The following ADAMTSL3 variants were observed in gnomAD, a reference collection of about 807,000 sequenced individuals.
ADAMTSL3 encodes the protein ADAMTS like 3.
Under a neutral mutation model 201.7 loss-of-function variants are expected in ADAMTSL3, and 128 were observed. The ratio of observed to expected loss-of-function variants is 0.63; its 90% CI spans 0.55 to 0.73. The LOEUF (loss-of-function observed/expected upper bound fraction) is 0.73. ADAMTSL3 is among the 30% of genes least tolerant of loss of function. The pLI is 0.00. For synonymous variants in ADAMTSL3, 738 were observed against 748.4 expected, an observed-to-expected ratio of 0.99 and a Z score of 0.23; for missense variants, 1,990 against 2,119.6, an observed-to-expected ratio of 0.94 and a Z score of 1.20.
At chr15:83,700,950 A>G (rs886200209) in intron 2 of ADAMTSL3, among the ~76,000 whole-genome samples, 1 of 152,140 alleles carries the variant, frequency 6.6e-6, no homozygotes, top group Admixed American at 6.5e-5. Flanking sequence ...TGACAGAATG[A>G]TGTTGATTTC....
At chr15:83,758,631 T>C (rs1197415867) in intron 3 of ADAMTSL3, among the ~76,000 whole-genome samples, 1 of 152,228 alleles carries the variant, frequency 6.6e-6, no homozygotes, top group Non-Finnish European at 1.5e-5. Flanking sequence ...TAAAGTGGTA[T>C]TTCATTTGCA....
chr15:83,682,221 G>A (rs1035653272), intron 2 of ADAMTSL3, among the ~76,000 whole-genome samples: 3 of 152,080 alleles, frequency 2.0e-5, no homozygotes, highest in African/African-American at 7.2e-5. Context: ...TAGAGACTCA[G>A]GGATGGGATA....
rs2066590241 is a variant in ADAMTSL3, at chr15:83,942,910, G to A, written c.2318G>A (p.Arg773Lys). ...WHIEEWQQCS[R>K]TCGGGTQNRR... Reference sequence around the variant, plus strand: ...CCCCTCTTGTCTTCTTAGTGTTCCAGGACTTGTGGCGGGGGAACTCAGAAC... The same window carrying A: ...CCCCTCTTGTCTTCTTAGTGTTCCAAGACTTGTGGCGGGGGAACTCAGAAC... Residue 773 changes from arginine to lysine, a missense_variant, in exon 19 of 30, where the codon AGG (arginine) becomes AAG (lysine). Arg to Lys is a conservative substitution (Grantham distance 26). Transcript: ENST00000286744. 3 of 1,612,122 alleles carry A rather than the reference G, an allele frequency of 1.9e-6. No homozygotes were observed. The highest frequency in any genetic ancestry group is 8.5e-7 in the Non-Finnish European group (1 of 1,179,118).
intron 20 of ADAMTSL3, 39 bp from the exon 21 acceptor site, chr15:83,982,234 A>G: frequency 6.7e-7 from 1 of 1,492,480 alleles, no homozygotes; most frequent in Non-Finnish European, 9.1e-7. Flanking sequence ...TGAGATGTTT[A>G]TTCGTATTTT....
chr15:83,979,706 C>T (rs1328609752), intron 20 of ADAMTSL3, among the ~76,000 whole-genome samples: 1 of 152,150 alleles, frequency 6.6e-6, no homozygotes, highest in African/African-American at 2.4e-5. Flanking sequence ...ATGCTAAAAC[C>T]AGAAAGAAAT....
Position 83,773,620 on chromosome 15 carries a change from C to T in ADAMTSL3, c.287C>T (p.Ser96Leu). 1 of 1,611,686 alleles carries T rather than the reference C, an allele frequency of 6.2e-7. No homozygotes were observed. The highest frequency in any genetic ancestry group is 8.5e-7 in the Non-Finnish European group (1 of 1,179,432). ...DCSRTCGGGA[S>L]YSLRRCLTGR... is the part of the protein sequence containing the mutation. ...TCCCGGACCTGTGGGGGAGGAGCAT[C>T]ATATTCTCTGCGGAGATGTTTGACT... The change falls in exon 4 of 30, where the codon TCA (serine) becomes TTA (leucine). Residue 96 changes from serine (S) to leucine (L), a missense_variant. Ser to Leu is a moderately radical substitution (Grantham distance 145). Coordinates refer to ENST00000286744, the MANE Select transcript of ADAMTSL3 (RefSeq NM_207517.3).
intron 19 of ADAMTSL3, among the ~76,000 whole-genome samples, chr15:83,955,740 C>T (rs1232612293): frequency 6.6e-6 from 1 of 152,072 alleles, no homozygotes; most frequent in Admixed American, 6.5e-5. Flanking sequence ...GGGGGCTTCA[C>T]GACTCTGCCC....
intron 26 of ADAMTSL3, among the ~76,000 whole-genome samples, chr15:84,023,903 A>G (rs1449529864): frequency 6.6e-6 from 1 of 152,250 alleles, no homozygotes; most frequent in Non-Finnish European, 1.5e-5. Context: ...AAAATAAAAT[A>G]CATTTGATTA....
intron 2 of ADAMTSL3, among the ~76,000 whole-genome samples, chr15:83,700,432 T>G (rs746929666): frequency 6.6e-6 from 1 of 152,240 alleles, no homozygotes; most frequent in Non-Finnish European, 1.5e-5. Context: ...ATAAGGAGTT[T>G]GACCTAGATG....
At chr15:83,980,395 T>A (rs1398360041) in intron 20 of ADAMTSL3, among the ~76,000 whole-genome samples, 1 of 152,142 alleles carries the variant, frequency 6.6e-6, no homozygotes, top group Non-Finnish European at 1.5e-5. Context: ...ATCTATATTA[T>A]CTATAGTAAT....
intron 15 of ADAMTSL3, among the ~76,000 whole-genome samples, chr15:83,911,479 C>T (rs1170582782): frequency 3.9e-5 from 6 of 152,292 alleles, no homozygotes; most frequent in African/African-American, 1.2e-4. Flanking sequence ...TTTAACCAGT[C>T]TCCTTCCCAA....
chr15:84,026,142 G>A (rs1030055414), intron 27 of ADAMTSL3, among the ~76,000 whole-genome samples: 3 of 152,152 alleles, frequency 2.0e-5, no homozygotes, highest in African/African-American at 7.2e-5. Flanking sequence ...ATGCAAAACT[G>A]TCATGAGTAA....
intron 4 of ADAMTSL3, among the ~76,000 whole-genome samples, chr15:83,781,986 T>C (rs2063177140): frequency 6.6e-6 from 1 of 152,150 alleles, no homozygotes; most frequent in South Asian, 2.1e-4. Context: ...GTAAATTAGT[T>C]CAACCTTTGT....
chr15:83,958,804 G>T lies in ADAMTSL3; in HGVS notation c.2491-11680G>T, dbSNP rs147118225. Among the ~76,000 whole-genome samples the T allele has an allele frequency of 8.2e-3, 1,251 of 152,156 alleles. 18 individuals carry two copies. Among genetic ancestry groups the T allele is most frequent in the African/African-American group, 0.028 (1,168 of 41,492 alleles). ...AATAACAGGAGAATGTAAAATGATA[G>T]CTGACGGTTTAGAAAAGAATTTTTA... On this transcript the variant is annotated intron_variant, in intron 19 of 29. Transcript: ENST00000286744.
chr15:83,730,432 G>A (rs1428359405), intron 3 of ADAMTSL3, among the ~76,000 whole-genome samples: 3 of 152,100 alleles, frequency 2.0e-5, no homozygotes, highest in Non-Finnish European at 4.4e-5. Flanking sequence ...TGGTGAACCA[G>A]TAAGGGCTAA....
intron 16 of ADAMTSL3, among the ~76,000 whole-genome samples, chr15:83,913,886 T>G (rs2065981259): frequency 6.6e-6 from 1 of 152,134 alleles, no homozygotes; most frequent in African/African-American, 2.4e-5. Context: ...CTGTTAGGAT[T>G]AGAAAGTGGT....
At chr15:83,808,416 A>G (rs1364571531) in intron 5 of ADAMTSL3, among the ~76,000 whole-genome samples, 2 of 152,236 alleles carry the variant, frequency 1.3e-5, no homozygotes, top group Admixed American at 1.3e-4. Flanking sequence ...GAGAAATACA[A>G]ATCAAAACCA....
chr15:83,670,248 A>T (rs1183780326), intron 2 of ADAMTSL3, among the ~76,000 whole-genome samples: 1 of 121,810 alleles, frequency 8.2e-6, no homozygotes, highest in Non-Finnish European at 1.6e-5. Flanking sequence ...ACAGTGAGAG[A>T]CTCTGTCTCC....
At chr15:83,881,122 T>A (rs2065262542) in intron 9 of ADAMTSL3, among the ~76,000 whole-genome samples, 1 of 152,218 alleles carries the variant, frequency 6.6e-6, no homozygotes, top group South Asian at 2.1e-4. Flanking sequence ...TCCAACTGGA[T>A]TATTTTAGCT....
Sources: gnomAD v4.1 joint callset for allele counts (sites outside exome capture counted in the v4.1 genomes callset) on GRCh38, gnomAD v4.1.1 for gene constraint, MANE v1.5 for transcripts, NCBI Gene and HGNC (gene_info 2026-07-23, HGNC 2026-07-21) for gene names.